Variants in GSE1 observed in about 807,000 individuals in gnomAD.
The protein encoded by GSE1 is Gse1 coiled-coil protein, also known as genetic suppressor element 1.
A neutral mutation model predicts 112.6 loss-of-function variants in GSE1; 32 were observed. The observed-to-expected ratio is 0.28, with a 90% CI of 0.21 to 0.38. The LOEUF (loss-of-function observed/expected upper bound fraction) is 0.38. Ranked by LOEUF, GSE1 falls within the 10% of genes least tolerant of loss-of-function variation. GSE1 has a pLI of 1.00. For synonymous variants in GSE1, 1,115 were observed against 735.6 expected (o/e 1.52, Z -8.35); for missense variants, 2,348 against 1,699.2 (o/e 1.38, Z -6.71).
intron 1 of GSE1, among the ~76,000 whole-genome samples, chr16:85,219,451 C>A (rs1353700029): frequency 6.6e-6 from 1 of 152,234 alleles, no homozygotes; most frequent in African/African-American, 2.4e-5. Context: ...CATGAAGCTG[C>A]TGGCCTGGGG....
rs2051212562 is a variant in GSE1, at chr16:85,650,143, G to C, written c.426+1392G>C. 2.6e-5 allele frequency among the ~76,000 whole-genome samples: 4 copies of C among 152,322 alleles called. No homozygotes were observed. The South Asian group carries it at 8.3e-4, about 32-fold the overall frequency. On this transcript the variant is annotated intron_variant, in intron 3 of 15. Coordinates refer to ENST00000253458, the MANE Select transcript of GSE1 (RefSeq NM_014615.5). Reference sequence around the variant, plus strand: ...TGTGAGGTCTGGAGACCGAGGGGCAGGGCGTGGCCTGGAGGGTGGACCCTG... The same window carrying C: ...TGTGAGGTCTGGAGACCGAGGGGCACGGCGTGGCCTGGAGGGTGGACCCTG...
intron 1 of GSE1, among the ~76,000 whole-genome samples, chr16:85,227,265 A>G (rs1016787831): frequency 2.6e-5 from 4 of 152,198 alleles, no homozygotes; most frequent in African/African-American, 9.7e-5. Context: ...TTCTTCATGC[A>G]TGAATGGAGA....
chr16:85,249,158 G>T (rs1433892575), intron 1 of GSE1, among the ~76,000 whole-genome samples: 1 of 152,238 alleles, frequency 6.6e-6, no homozygotes, highest in Non-Finnish European at 1.5e-5. Context: ...GCCTTTCCCA[G>T]GCATGAGAGT....
intron 1 of GSE1, among the ~76,000 whole-genome samples, chr16:85,203,881 G>C (rs1034966916): frequency 1.2e-4 from 19 of 152,170 alleles, no homozygotes; most frequent in Admixed American, 3.9e-4. Context: ...GGGACTACAG[G>C]TGTGCACCAC....
In GSE1 at chr16:85,284,229, G is replaced by A. The variant is rs370559804; in HGVS notation, c.2284-73234G>A. Among the ~76,000 whole-genome samples the A allele has an allele frequency of 6.5e-4, 99 of 152,382 alleles. No homozygotes were observed. In the East Asian group the frequency reaches 0.015, roughly 23 times the overall value. On this transcript the variant is annotated intron_variant, in intron 1 of 2. Transcript: ENST00000637419. ...GTCGTGCTTTAGCTGTCGCTGTAGG[G>A]CGACTCTTGGCGTGTAATCACAGCA...
At chr16:85,421,828 T>G (rs2048851778) in intron 2 of GSE1, among the ~76,000 whole-genome samples, 1 of 151,944 alleles carries the variant, frequency 6.6e-6, no homozygotes, top group Admixed American at 6.5e-5. Context: ...ATGCTTGTAT[T>G]TTTGGGGGGA....
chr16:85,212,728 G>A (rs371701527), intron 1 of GSE1, among the ~76,000 whole-genome samples: 6 of 152,242 alleles, frequency 3.9e-5, no homozygotes, highest in East Asian at 3.8e-4. Flanking sequence ...ACAGACGTCT[G>A]TGAGGGGTGT....
chr16:85,535,292 G>A (rs1056232576), intron 2 of GSE1, among the ~76,000 whole-genome samples: 83 of 152,208 alleles, frequency 5.5e-4, no homozygotes, highest in African/African-American at 1.8e-3. Context: ...GCATCCTTAC[G>A]GAGCCCTCGG....
chr16:85,268,847 C>T (rs773108841), intron 1 of GSE1, among the ~76,000 whole-genome samples: 1 of 152,168 alleles, frequency 6.6e-6, no homozygotes, highest in Non-Finnish European at 1.5e-5. Context: ...CGTGCTCTCT[C>T]CACACTCAAA....
At chr16:85,449,909 C>G (rs879337261) in intron 2 of GSE1, among the ~76,000 whole-genome samples, 2 of 152,166 alleles carry the variant, frequency 1.3e-5, no homozygotes, top group African/African-American at 2.4e-5. Flanking sequence ...CCTCTTCTGC[C>G]TGCCGCTGCC....
At chr16:85,644,446 T>C (rs534940821) in intron 2 of GSE1, among the ~76,000 whole-genome samples, 1 of 146,572 alleles carries the variant, frequency 6.8e-6, no homozygotes, top group African/African-American at 2.6e-5. Flanking sequence ...CAGTAAGGAG[T>C]GGGTGGACAG....
In GSE1 at chr16:85,311,702, C is replaced by T. The variant is rs1313762548; in HGVS notation, c.2284-45761C>T. ...GGCTCTCTTGGGGCCCTGGATACCT[C>T]CTGCCTGCTTCATTTCCCAGATGTC... is the stretch of plus-strand genomic sequence containing the variant. On this transcript the variant is annotated intron_variant, in intron 1 of 2. Coordinates refer to the GSE1 transcript ENST00000637419. The surrounding 1 kb of genome is among the most constrained non-coding windows in gnomAD (Gnocchi z 4.2). Among the ~76,000 whole-genome samples, 2 of 152,178 alleles carry T rather than the reference C, an allele frequency of 1.3e-5. No individual in the cohort carries two copies. The highest frequency in any genetic ancestry group is 2.9e-5 in the Non-Finnish European group (2 of 68,004).
chr16:85,383,042 C>T (rs543445878), intron 2 of GSE1, among the ~76,000 whole-genome samples: 47 of 150,594 alleles, frequency 3.1e-4, no homozygotes, highest in African/African-American at 1.0e-3. Flanking sequence ...ACACACACAC[C>T]GTGTACATGC....
At chr16:85,644,857 A>AT (rs11298953) in intron 2 of GSE1, among the ~76,000 whole-genome samples, 2 of 150,986 alleles carry the variant, frequency 1.3e-5, no homozygotes, top group East Asian at 2.0e-4. Flanking sequence ...GTTCCATGGA[A>AT]TTTTTTTTTT....
At chr16:85,268,868 C>T (rs1366842599) in intron 1 of GSE1, among the ~76,000 whole-genome samples, 1 of 152,136 alleles carries the variant, frequency 6.6e-6, no homozygotes, top group African/African-American at 2.4e-5. Context: ...GCTGCTCAGA[C>T]ACAGGCCCTG....
intron 2 of GSE1, among the ~76,000 whole-genome samples, chr16:85,508,511 G>C (rs1308220725): frequency 3.3e-5 from 5 of 152,174 alleles, no homozygotes; most frequent in African/African-American, 1.2e-4. Flanking sequence ...AGCCAGGAGG[G>C]GCTGCCTGCA....
Position 85,311,834 on chromosome 16 carries a change from G to T in GSE1, c.2284-45629G>T, listed in dbSNP as rs965556233. ...ATGGGGACCCACTGTCTGACCTGTG[G>T]CCCCAGCCGCGAGTCCTTCTCACCC... On this transcript the variant is annotated intron_variant, in intron 1 of 2. Transcript: ENST00000637419. This position sits in a 1 kb window ranked among gnomAD's most constrained non-coding sequence, Gnocchi z 4.2. 2.0e-5 allele frequency among the ~76,000 whole-genome samples: 3 copies of T among 152,122 alleles called. No homozygotes were observed. The highest frequency in any genetic ancestry group is 2.9e-5 in the Non-Finnish European group (2 of 68,000).
intron 2 of GSE1, among the ~76,000 whole-genome samples, chr16:85,474,877 A>G (rs1292717785): frequency 6.6e-6 from 1 of 151,884 alleles, no homozygotes; most frequent in Non-Finnish European, 1.5e-5. Context: ...TTCAATCCTT[A>G]TCTTCTCTAA....
At chr16:85,592,897 G>A (rs2047059278) in intron 1 of GSE1, 1 of 152,404 alleles carries the variant, frequency 6.6e-6, no homozygotes, top group Non-Finnish European at 1.5e-5. Flanking sequence ...CGCTCTGGGT[G>A]GAGGAGACCA....
Sources: gnomAD v4.1 joint callset for allele counts (sites outside exome capture counted in the v4.1 genomes callset) on GRCh38, gnomAD v4.1.1 for gene constraint, Gnocchi (gnomAD v3.1) non-coding constraint, MANE v1.5 for transcripts, NCBI Gene and HGNC (gene_info 2026-07-23, HGNC 2026-07-21) for gene names.